The following BAG4 variants were observed in gnomAD, a reference collection of about 807,000 sequenced individuals.
BAG4 encodes the protein BAG cochaperone 4.
A neutral mutation model predicts 52.1 loss-of-function variants in BAG4; 28 were observed. The ratio of observed to expected loss-of-function variants is 0.54; its 90% CI spans 0.40 to 0.74. BAG4 has a LOEUF of 0.74. Among genes scored for constraint, BAG4 ranks in the 30% least tolerant of loss-of-function variants. The probability of loss-of-function intolerance (pLI) is 0.00; values close to 1 mark genes in which losing one functional copy is unlikely to be tolerated. For missense variants in BAG4, 525 were observed against 572.0 expected (o/e 0.92, Z 0.84); for synonymous variants, 208 against 217.0 (o/e 0.96, Z 0.37).
intron 2 of BAG4, among the ~76,000 whole-genome samples, chr8:38,197,491 C>T (rs191508129): frequency 2.0e-4 from 31 of 152,248 alleles, no homozygotes; most frequent in Non-Finnish European, 4.4e-4. Flanking sequence ...CACACTTGTA[C>T]AGGGCATTTG....
At chr8:38,200,187 A>G (rs528030782) in intron 2 of BAG4, among the ~76,000 whole-genome samples, 1 of 151,778 alleles carries the variant, frequency 6.6e-6, no homozygotes, top group Non-Finnish European at 1.5e-5. Flanking sequence ...TTGTATTGTT[A>G]GTAGAGACAG....
intron 2 of BAG4, among the ~76,000 whole-genome samples, chr8:38,197,586 A>G (rs1331941172): frequency 6.6e-6 from 1 of 152,250 alleles, no homozygotes; most frequent in Non-Finnish European, 1.5e-5. Flanking sequence ...CTAGGATATT[A>G]CTGTGCACTA....
intron 1 of BAG4, among the ~76,000 whole-genome samples, chr8:38,177,922 T>C (rs1803193300): frequency 6.6e-6 from 1 of 152,090 alleles, no homozygotes; most frequent in Non-Finnish European, 1.5e-5. Context: ...TTATCCTCAT[T>C]TGTTGAAAAT....
intron 2 of BAG4, among the ~76,000 whole-genome samples, chr8:38,199,647 C>T (rs903492571): frequency 1.3e-5 from 2 of 151,890 alleles, no homozygotes; most frequent in Non-Finnish European, 2.9e-5. Context: ...CCTCAGCCTC[C>T]CAAGTAGCTG....
At chr8:38,179,180 GAC>G (rs1011980174) in intron 1 of BAG4, among the ~76,000 whole-genome samples, 2 of 151,756 alleles carry the variant, frequency 1.3e-5, no homozygotes, top group Non-Finnish European at 2.9e-5. Flanking sequence ...TTATTTTTGG[GAC>G]ACAGTCTTGC....
At chr8:38,183,317 G>A (rs1387844397) in intron 1 of BAG4, among the ~76,000 whole-genome samples, 9 of 152,064 alleles carry the variant, frequency 5.9e-5, no homozygotes, top group Non-Finnish European at 1.0e-4. Flanking sequence ...ACAGTTCTGG[G>A]ATTACAGGCA....
In BAG4 at chr8:38,197,326, C is replaced by T. The variant is rs72643092; in HGVS notation, c.378+4531C>T. ...TATATACCTAGGCTATATGGTATAG[C>T]CTATGGCTTCTAGGCTACAAACCTG... On this transcript the variant is annotated intron_variant, in intron 2 of 4. Coordinates refer to ENST00000287322, the MANE Select transcript of BAG4 (RefSeq NM_004874.4). Among the ~76,000 whole-genome samples, 1,511 of 152,232 alleles carry T rather than the reference C, an allele frequency of 9.9e-3. 20 individuals are homozygous for T. The highest frequency in any genetic ancestry group is 0.014 in the Middle Eastern group (4 of 294).
At chr8:38,183,002 C>T (rs1803297123) in intron 1 of BAG4, among the ~76,000 whole-genome samples, 1 of 150,734 alleles carries the variant, frequency 6.6e-6, no homozygotes, top group South Asian at 2.1e-4. Flanking sequence ...CCACCACCAC[C>T]ACCACCACAA....
rs1803883858 is a variant in BAG4 at position 38,212,665 on chromosome 8, C to G, written c.*2172C>G. ...GACAGTGTATCATAACAGGGGATACCTGATGTTGTAATGTATTTCTGGTGT... is the reference window on the plus strand; with the variant it reads ...GACAGTGTATCATAACAGGGGATACGTGATGTTGTAATGTATTTCTGGTGT... On this transcript the variant is annotated 3_prime_UTR_variant, in exon 5 of 5. Transcript: ENST00000287322. The G allele has an allele frequency of 6.6e-6, 1 of 152,144 alleles. No individual in the cohort carries two copies. The highest frequency in any genetic ancestry group is 1.5e-5 in the Non-Finnish European group (1 of 68,026). 9.4% of individuals were successfully genotyped at this position (152,144 alleles called of 1,614,324 possible). A position where few individuals can be genotyped will look rare whatever the true frequency, so the allele number is the denominator to read the frequency against.
Position 38,192,784 on chromosome 8 carries a change from T to A in BAG4, c.367T>A (p.Leu123Met). The change falls in exon 2 of 5, where the codon TTG (leucine) becomes ATG (methionine). Residue 123 changes from leucine to methionine, a missense_variant. This residue lies in a region of BAG4 where 287 missense variants were observed against 266.1 expected (regional missense o/e 1.08). Coordinates refer to ENST00000287322, the MANE Select transcript of BAG4 (RefSeq NM_004874.4). ...AAGTACATATCCTGTAAGACCAGAA[T>A]TGCAAGGCCAGGTATGGTTTAAAAA... The part of the protein sequence containing the change: ...YPSTYPVRPE[L>M]QGQSLNSYTN... The A allele has an allele frequency of 6.2e-7, 1 of 1,603,752 alleles. No homozygotes were observed. The highest frequency in any genetic ancestry group is 8.5e-7 in the Non-Finnish European group (1 of 1,174,474).
intron 2 of BAG4, among the ~76,000 whole-genome samples, chr8:38,206,716 A>G (rs1462736348): frequency 1.3e-5 from 2 of 152,150 alleles, no homozygotes; most frequent in Admixed American, 1.3e-4. Context: ...GAAGTTAGGG[A>G]AGGTTAAATA....
chr8:38,201,786 A>G (rs1026881391), intron 2 of BAG4: 1 of 142,590 alleles, frequency 7.0e-6, no homozygotes, highest in East Asian at 2.1e-4. Flanking sequence ...AAGTAGCTAT[A>G]ATAAGCCAAG....
intron 1 of BAG4, among the ~76,000 whole-genome samples, chr8:38,181,709 C>T (rs1803274459): frequency 6.6e-6 from 1 of 151,570 alleles, no homozygotes; most frequent in African/African-American, 2.4e-5. Context: ...TGCACTCCAG[C>T]CTGGGCAACA....
intron 3 of BAG4, 36 bp from the exon 4 acceptor site, chr8:38,208,977 T>C (rs201756457): frequency 8.8e-5 from 139 of 1,584,422 alleles, no homozygotes; most frequent in Non-Finnish European, 1.1e-4. Flanking sequence ...TATAAGTTTT[T>C]CACAATGACT....
intron 2 of BAG4, among the ~76,000 whole-genome samples, chr8:38,203,799 T>C (rs951259560): frequency 1.4e-5 from 2 of 147,006 alleles, no homozygotes; most frequent in African/African-American, 2.5e-5. Flanking sequence ...GGTGCCACTG[T>C]ACTCTAGCCT....
intron 1 of BAG4, among the ~76,000 whole-genome samples, chr8:38,189,716 G>T (rs1011295971): frequency 1.3e-5 from 2 of 152,206 alleles, no homozygotes; most frequent in Non-Finnish European, 2.9e-5. Context: ...CAAGAGGGTT[G>T]CTAGAATTTG....
In BAG4 at chr8:38,210,497, G is replaced by A. The variant is rs1803849912; in HGVS notation, c.*4G>A. On this transcript the variant is annotated 3_prime_UTR_variant, in exon 5 of 5. Transcript: ENST00000287322. ...ATTAGAAAAAAAAGGATTATGAAAG[G>A]ATTTAGAACAAAGTGGAAGCCTGTT... is the stretch of plus-strand genomic sequence containing the variant. 1.3e-5 allele frequency: 21 copies of A among 1,559,624 alleles called. No homozygotes were observed. The highest frequency in any genetic ancestry group is 1.8e-5 in the Non-Finnish European group (21 of 1,159,996).
In BAG4 at chr8:38,192,752, C is replaced by T. The variant is rs765570780; in HGVS notation, c.335C>T (p.Pro112Leu). Residue 112 changes from proline (P) to leucine (L), a missense_variant, in exon 2 of 5, where the codon CCT becomes CTT. Around this residue, in one of 2 missense-constraint regions of BAG4, gnomAD observed 287 missense variants for 266.1 expected, o/e 1.08. Coordinates refer to ENST00000287322, the MANE Select transcript of BAG4 (RefSeq NM_004874.4). ...YWNSTARSRAPYPSTYPVRPE... is the reference protein window; with the variant it reads ...YWNSTARSRALYPSTYPVRPE... Reference sequence around the variant, plus strand: ...AATTCTACTGCGAGATCTAGGGCTCCTTACCCAAGTACATATCCTGTAAGA... The same window carrying T: ...AATTCTACTGCGAGATCTAGGGCTCTTTACCCAAGTACATATCCTGTAAGA... 1.2e-6 allele frequency: 2 copies of T among 1,613,634 alleles called. No homozygotes were observed. Among genetic ancestry groups the T allele is most frequent in the East Asian group, 2.2e-5 (1 of 44,856 alleles).
At chr8:38,207,823 A>C in intron 3 of BAG4, 57 bp downstream of exon 3, 1 of 1,588,384 alleles carries the variant, frequency 6.3e-7, no homozygotes, top group Middle Eastern at 1.7e-4. Flanking sequence ...TCTTGTAAAC[A>C]GTGGAAGAGC....
Sources: gnomAD v4.1 joint callset for allele counts (sites outside exome capture counted in the v4.1 genomes callset) on GRCh38, gnomAD v4.1.1 for gene constraint, gnomAD v4.1.1 regional missense constraint, MANE v1.5 for transcripts, NCBI Gene and HGNC (gene_info 2026-07-23, HGNC 2026-07-21) for gene names.